ADRA1A: variants seen among roughly 807,000 people sequenced by gnomAD.
ADRA1A encodes adrenoceptor alpha 1A.
Under a neutral mutation model 29.6 loss-of-function variants are expected in ADRA1A, and 31 were observed. The ratio of observed to expected loss-of-function variants is 1.05; its 90% confidence interval spans 0.79 to 1.41. The LOEUF (loss-of-function observed/expected upper bound fraction) is 1.41. Ranked by LOEUF, ADRA1A falls within the 40% of genes most tolerant of loss-of-function variation. The pLI is 0.00. For missense variants in ADRA1A, 619 were observed against 601.1 expected (o/e 1.03, Z -0.31); for synonymous variants, 311 against 254.3 (o/e 1.22, Z -2.12).
Position 26,770,629 on chromosome 8 carries a change from A to T in ADRA1A, c.921T>A (p.Val307=). 1.2e-6 allele frequency: 2 copies of T among 1,614,050 alleles called. No individual in the cohort carries two copies. Among genetic ancestry groups the T allele is most frequent in the Non-Finnish European group, 1.7e-6 (2 of 1,179,952 alleles). The change falls in exon 3 of 3, where the codon GTT becomes GTA. Residue 307 remains valine (V), a synonymous_variant. Transcript: ENST00000380573. ...FFPDFKPSET[V]FKIVFWLGYL... ...ATCCGAGCCAAAATACTATTTTAAA[A>T]ACTGTTTCAGAGGGCTTGAAATCAG...
intron 2 of ADRA1A, among the ~76,000 whole-genome samples, chr8:26,784,381 A>G (rs1807222014): frequency 1.3e-5 from 2 of 152,344 alleles, no homozygotes; most frequent in African/African-American, 2.4e-5. Flanking sequence ...AATTCAGAAC[A>G]TATCAGATCA....
rs1813429769 is a variant in ADRA1A, at chr8:26,861,238, C to T, written c.883+2849G>A. Among the ~76,000 whole-genome samples the T allele has an allele frequency of 2.6e-5, 4 of 151,840 alleles. 1 individual carries two copies. In the South Asian group the frequency reaches 8.3e-4, roughly 32 times the overall value. ...TCCTGATTTTTCTTCTCCCTGGCTA[C>T]TCCTTTGCAATCTTGTTTGCTGGCT... On this transcript the variant is annotated intron_variant, in intron 2 of 2. Transcript: ENST00000380573.
rs538810890 is a variant in ADRA1A, at chr8:26,862,195, T to C, written c.883+1892A>G. Among the ~76,000 whole-genome samples the C allele has an allele frequency of 1.1e-4, 16 of 152,304 alleles. No homozygotes were observed. In the South Asian group the frequency reaches 3.3e-3, roughly 32 times the overall value. ...GCCTCTGTGATCTTCATTGAACAGG[T>C]CAGGCTCTTTCCCATCTCTGTACTC... is the stretch of plus-strand genomic sequence containing the variant. On this transcript the variant is annotated intron_variant, in intron 2 of 2. Transcript: ENST00000380573.
At position 26,770,194 on chromosome 8, in the gene ADRA1A, A is replaced by G. The variant is rs749249774; in HGVS notation, c.1356T>C (p.Ile452=). The G allele has an allele frequency of 7.5e-6, 12 of 1,591,376 alleles. No individual in the cohort carries two copies. Among genetic ancestry groups the G allele is most frequent in the Admixed American group, 3.4e-5 (2 of 58,626 alleles). The change falls in exon 3 of 3, where the codon ATT becomes ATC. Residue 452 remains isoleucine (I), a synonymous_variant. Transcript: ENST00000380573. ...CACTGAGGGAGATGGTGTGGACCTT[A>G]ATGGTTGGAACTTGATGGTTCTTGT... ...SLDKNHQVPT[I]KVHTISLSEN...
intron 2 of ADRA1A, among the ~76,000 whole-genome samples, chr8:26,803,115 G>T (rs1808712643): frequency 6.6e-6 from 1 of 152,064 alleles, no homozygotes; most frequent in South Asian, 2.1e-4. Flanking sequence ...AATGGGGATG[G>T]TTAATCTAAA....
At chr8:26,773,509 G>A (rs935682607) in intron 2 of ADRA1A, among the ~76,000 whole-genome samples, 13 of 152,092 alleles carry the variant, frequency 8.5e-5, no homozygotes, top group Non-Finnish European at 1.8e-4. Context: ...ATGACTACAA[G>A]AATGTCTGAG....
At position 26,800,693 on chromosome 8, in the gene ADRA1A, T is replaced by C. The variant is rs143355686; in HGVS notation, c.884-30027A>G. ...TACCAAATATTCAAAGAAGAACTAATACGAATCCTACTCAAACTATTTCAA... is the reference window on the plus strand; with the variant it reads ...TACCAAATATTCAAAGAAGAACTAACACGAATCCTACTCAAACTATTTCAA... On this transcript the variant is annotated intron_variant, in intron 2 of 2. Coordinates refer to ENST00000380573, the MANE Select transcript of ADRA1A (RefSeq NM_000680.4). Among the ~76,000 whole-genome samples, 288 of 152,248 alleles carry C rather than the reference T, an allele frequency of 1.9e-3. 1 individual carries two copies. The highest frequency in any genetic ancestry group is 6.5e-3 in the African/African-American group (271 of 41,574).
intron 2 of ADRA1A, among the ~76,000 whole-genome samples, chr8:26,855,324 A>T (rs968540130): frequency 2.6e-5 from 4 of 152,004 alleles, no homozygotes; most frequent in Admixed American, 6.6e-5. Context: ...TTCTTGGCAC[A>T]TTTGCATATA....
At chr8:26,754,329 G>A (rs17055923), downstream of ADRA1A, among the ~76,000 whole-genome samples, 36,626 of 151,788 alleles carry the variant, frequency 0.24, 4,580 homozygotes, top group East Asian at 0.41. Flanking sequence ...ATAGTATAGC[G>A]TGCATACCAA....
intron 2 of ADRA1A, among the ~76,000 whole-genome samples, chr8:26,749,912 C>T (rs1234254386): frequency 6.6e-6 from 1 of 152,200 alleles, no homozygotes; most frequent in Admixed American, 6.5e-5. Flanking sequence ...ATTCTACTCT[C>T]AATTTCAGCT....
chr8:26,853,235 G>C (rs1187691036), intron 2 of ADRA1A, among the ~76,000 whole-genome samples: 2 of 152,144 alleles, frequency 1.3e-5, no homozygotes, highest in Non-Finnish European at 2.9e-5. Flanking sequence ...CCAATGGACA[G>C]TGTCATATCT....
In ADRA1A at chr8:26,770,167, C is replaced by T. The variant is rs1806028057; in HGVS notation, c.1383G>A (p.Glu461=). ...TIKVHTISLS[E]NGEEV is the part of the protein sequence containing the mutation. ...TCCTGTCCTAGACTTCCTCCCCGTT[C>T]TCACTGAGGGAGATGGTGTGGACCT... Residue 461 remains glutamate (E), a synonymous_variant, in exon 3 of 3, where the codon GAG becomes GAA. Coordinates refer to ENST00000380573, the MANE Select transcript of ADRA1A (RefSeq NM_000680.4). 9 of 1,556,214 alleles carry T rather than the reference C, an allele frequency of 5.8e-6. No individual in the cohort carries two copies. The highest frequency in any genetic ancestry group is 7.8e-6 in the Non-Finnish European group (9 of 1,150,220).
intron 2 of ADRA1A, among the ~76,000 whole-genome samples, chr8:26,785,463 A>G (rs1301143216): frequency 6.6e-6 from 1 of 152,224 alleles, no homozygotes; most frequent in Non-Finnish European, 1.5e-5. Context: ...TCAGGGTTAC[A>G]CAGCCAGTGA....
chr8:26,834,767 C>T (rs570976582), intron 2 of ADRA1A, among the ~76,000 whole-genome samples: 5 of 152,174 alleles, frequency 3.3e-5, no homozygotes, highest in Admixed American at 6.5e-5. Context: ...CTACAGGACA[C>T]CAACATCTGG....
chr8:26,755,310 A>G (rs1805108667), downstream of ADRA1A, among the ~76,000 whole-genome samples: 2 of 152,046 alleles, frequency 1.3e-5, no homozygotes, highest in Admixed American at 6.6e-5. Context: ...CAAGCCAAAC[A>G]TGGTCACTCT....
At chr8:26,791,003 C>T (rs7828261) in intron 2 of ADRA1A, among the ~76,000 whole-genome samples, 51,356 of 152,076 alleles carry the variant, frequency 0.34, 10,007 homozygotes, top group East Asian at 0.84. Flanking sequence ...CACATACACA[C>T]ACTCACACAC....
At chr8:26,781,245 G>T (rs886107598) in intron 2 of ADRA1A, among the ~76,000 whole-genome samples, 1 of 152,108 alleles carries the variant, frequency 6.6e-6, no homozygotes, top group African/African-American at 2.4e-5. Flanking sequence ...TTAATTTACT[G>T]CTGTATCCTC....
At chr8:26,802,271 C>G (rs1808639175) in intron 2 of ADRA1A, among the ~76,000 whole-genome samples, 1 of 152,150 alleles carries the variant, frequency 6.6e-6, no homozygotes, top group Non-Finnish European at 1.5e-5. Context: ...AGGAAACAAT[C>G]TACAAAGTGA....
At chr8:26,766,195 G>A, downstream of ADRA1A, 1 of 1,224,356 alleles carries the variant, frequency 8.2e-7, no homozygotes, top group Non-Finnish European at 1.2e-6. Context: ...GTGAGAGTGA[G>A]TTATGTCGTA....
Sources: gnomAD v4.1 joint callset for allele counts (sites outside exome capture counted in the v4.1 genomes callset) on GRCh38, gnomAD v4.1.1 for gene constraint, MANE v1.5 for transcripts, NCBI Gene and HGNC (gene_info 2026-07-23, HGNC 2026-07-21) for gene names.